Variants in PARD3B observed in about 807,000 individuals in gnomAD.
PARD3B encodes partitioning defective 3 homolog B.
PARD3B carries 103 observed loss-of-function variants against 130.2 expected under a neutral mutation model. The ratio of observed to expected loss-of-function variants is 0.79; its 90% CI spans 0.67 to 0.93. PARD3B has a LOEUF of 0.93. Ranked by LOEUF, PARD3B falls within the 40% of genes least tolerant of loss-of-function variation. PARD3B has a pLI of 0.00. For missense variants in PARD3B, 1,609 were observed against 1,499.2 expected, an observed-to-expected ratio of 1.07 and a Z score of -1.21; for synonymous variants, 583 against 553.2, an observed-to-expected ratio of 1.05 and a Z score of -0.76.
intron 1 of PARD3B, among the ~76,000 whole-genome samples, chr2:204,645,112 A>G (rs2035228129): frequency 6.6e-6 from 1 of 152,088 alleles, no homozygotes. Context: ...AAATGGAGAA[A>G]AGTCATTCTG....
At chr2:205,139,627 T>C (rs2032780137) in intron 10 of PARD3B, among the ~76,000 whole-genome samples, 1 of 152,192 alleles carries the variant, frequency 6.6e-6, no homozygotes, top group Non-Finnish European at 1.5e-5. Flanking sequence ...CTACATTTGT[T>C]CATGTTTGGG....
chr2:205,148,084 A>G (rs1375447656), intron 10 of PARD3B, among the ~76,000 whole-genome samples: 1 of 151,948 alleles, frequency 6.6e-6, no homozygotes, highest in Non-Finnish European at 1.5e-5. Flanking sequence ...ATTCTAATGT[A>G]TTTTGCCCTC....
At chr2:205,155,058 T>C (rs1053346415) in intron 10 of PARD3B, among the ~76,000 whole-genome samples, 9 of 69,198 alleles carry the variant, frequency 1.3e-4, no homozygotes, top group African/African-American at 4.3e-4. Context: ...ATAAATTTCA[T>C]TTCAAAAAAA....
intron 2 of PARD3B, among the ~76,000 whole-genome samples, chr2:204,786,376 C>T (rs1294233006): frequency 6.6e-6 from 1 of 151,952 alleles, no homozygotes; most frequent in Admixed American, 6.6e-5. Flanking sequence ...GAGTTCCTGT[C>T]AAACAAAGGA....
intron 2 of PARD3B, 100 bp from the exon 3 acceptor site, chr2:204,965,052 G>T: frequency 8.6e-7 from 1 of 1,164,930 alleles, no homozygotes; most frequent in Non-Finnish European, 1.2e-6. Context: ...TTGATGAGGC[G>T]ATTTTCTTTG....
chr2:205,490,079 A>G (rs1477455697), intron 20 of PARD3B, among the ~76,000 whole-genome samples: 1 of 152,116 alleles, frequency 6.6e-6, no homozygotes, highest in African/African-American at 2.4e-5. Flanking sequence ...AGAGCTTACC[A>G]TTTCAAAATT....
At chr2:204,596,733 A>G (rs1271661801) in intron 1 of PARD3B, among the ~76,000 whole-genome samples, 1 of 152,192 alleles carries the variant, frequency 6.6e-6, no homozygotes, top group Non-Finnish European at 1.5e-5. Context: ...GTTCCAGACC[A>G]GCCTGACCAA....
chr2:205,182,849 T>C (rs892779421), intron 13 of PARD3B, among the ~76,000 whole-genome samples: 3 of 152,050 alleles, frequency 2.0e-5, no homozygotes, highest in African/African-American at 7.2e-5. Flanking sequence ...TTTCAGGTGA[T>C]GTAGATGGGG....
chr2:205,044,026 A>T (rs1400163159), intron 3 of PARD3B, among the ~76,000 whole-genome samples: 2 of 144,776 alleles, frequency 1.4e-5, no homozygotes, highest in Non-Finnish European at 3.0e-5. Context: ...CTCATTGTTC[A>T]ATTCCCACCT....
chr2:205,163,654 A>T (rs537741231), intron 11 of PARD3B, among the ~76,000 whole-genome samples: 23 of 152,314 alleles, frequency 1.5e-4, no homozygotes, highest in African/African-American at 5.3e-4. Flanking sequence ...ATGGCGCTTG[A>T]TCCTGAATCT....
rs992979931 is a variant in PARD3B at position 205,618,745 on chromosome 2, A to G, written c.*2932A>G. 6.6e-6 allele frequency: 1 copy of G among 152,192 alleles called. No homozygotes were observed. Among genetic ancestry groups the G allele is most frequent in the African/African-American group, 2.4e-5 (1 of 41,442 alleles). 9.4% of individuals were successfully genotyped at this position (152,192 alleles called of 1,614,324 possible). A position where few individuals can be genotyped will look rare whatever the true frequency, so the allele number is the denominator to read the frequency against. The stretch of plus-strand genomic sequence containing the variant: ...ACCATTGAAAACTTTTAGATGCAGG[A>G]GAATTGAGACTTCCACAAGGGAGAG... On this transcript the variant is annotated 3_prime_UTR_variant, in exon 23 of 23. Transcript: ENST00000406610.
At chr2:205,096,339 T>C (rs1396037986) in intron 4 of PARD3B, among the ~76,000 whole-genome samples, 2 of 152,180 alleles carry the variant, frequency 1.3e-5, no homozygotes, top group African/African-American at 4.8e-5. Flanking sequence ...TTAGAATCTG[T>C]GTCTCTTTTG....
chr2:204,559,850 A>C (rs1175345289), intron 1 of PARD3B, among the ~76,000 whole-genome samples: 1 of 152,230 alleles, frequency 6.6e-6, no homozygotes, highest in Non-Finnish European at 1.5e-5. Flanking sequence ...ATGGAATACT[A>C]TGCAGCTGTA....
chr2:204,649,410 C>A (rs1253761263), intron 1 of PARD3B, among the ~76,000 whole-genome samples: 2 of 151,874 alleles, frequency 1.3e-5, no homozygotes, highest in Admixed American at 6.6e-5. Context: ...TGTCTACTTT[C>A]TTCCCTGTTT....
chr2:205,318,824 C>T (rs956266263), intron 18 of PARD3B, among the ~76,000 whole-genome samples: 1 of 152,136 alleles, frequency 6.6e-6, no homozygotes, highest in African/African-American at 2.4e-5. Context: ...CACCCAGCAT[C>T]TTAGTGTCAA....
At chr2:204,753,467 G>A (rs974216506) in intron 2 of PARD3B, among the ~76,000 whole-genome samples, 7 of 152,094 alleles carry the variant, frequency 4.6e-5, no homozygotes, top group African/African-American at 1.2e-4. Flanking sequence ...ATTCTATACT[G>A]GCTTGTCTAT....
chr2:205,298,432 T>A (rs922802025), intron 16 of PARD3B, among the ~76,000 whole-genome samples: 2 of 152,174 alleles, frequency 1.3e-5, no homozygotes, highest in Non-Finnish European at 2.9e-5. Flanking sequence ...GATTTAATAG[T>A]GACATATCCT....
At chr2:205,129,134 A>G (rs2125641465) in intron 10 of PARD3B, among the ~76,000 whole-genome samples, 1 of 152,360 alleles carries the variant, frequency 6.6e-6, no homozygotes, top group African/African-American at 2.4e-5. Flanking sequence ...AGACTCTCAA[A>G]AATAGTTGAC....
chr2:205,241,633 G>A lies in PARD3B; in HGVS notation c.2141-4145G>A, dbSNP rs1276821780. 2.6e-5 allele frequency among the ~76,000 whole-genome samples: 4 copies of A among 152,106 alleles called. No individual in the cohort carries two copies. Among genetic ancestry groups the A allele is most frequent in the South Asian group, 2.1e-4 (1 of 4,826 alleles). On this transcript the variant is annotated intron_variant, in intron 15 of 22. Coordinates refer to ENST00000406610, the MANE Select transcript of PARD3B (RefSeq NM_001302769.2). This position sits in a 1 kb window ranked among gnomAD's most constrained non-coding sequence, Gnocchi z 4.2. Reference sequence around the variant, plus strand: ...GGAGAAAAAATTCTGTCATCAGAACGAGAACAAGAAACTTAGACTCTTGCT... The same window carrying A: ...GGAGAAAAAATTCTGTCATCAGAACAAGAACAAGAAACTTAGACTCTTGCT...
Sources: allele counts gnomAD v4.1 joint callset (sites outside exome capture counted in the v4.1 genomes callset), GRCh38; gene constraint gnomAD v4.1.1; non-coding constraint Gnocchi (gnomAD v3.1); transcripts MANE v1.5; gene names NCBI Gene and HGNC (gene_info 2026-07-23, HGNC 2026-07-21).